Variants in C16orf96 observed in about 807,000 individuals in gnomAD.
C16orf96 encodes the protein chromosome 16 open reading frame 96.
C16orf96 carries 108 observed loss-of-function variants against 103.6 expected under a neutral mutation model. That is an observed-to-expected ratio of 1.04 (90% CI 0.89 to 1.22). C16orf96 has a LOEUF of 1.22. Ranked by LOEUF, C16orf96 falls within the 50% of genes most tolerant of loss-of-function variation. C16orf96 has a pLI of 0.00. For synonymous variants in C16orf96, 566 were observed against 593.5 expected (o/e 0.95, Z 0.67); for missense variants, 1,586 against 1,464.2 (o/e 1.08, Z -1.36).
rs774710898 is a variant in C16orf96, at chr16:4,575,833, C to G, written c.1353C>G (p.Leu451=). ...CTCGCCAGGGAGAAGCCCTCCAGCT[C>G]GCAGCTGTCCAAGTAAAGGGGGAGG... is the stretch of plus-strand genomic sequence containing the variant. ...YQSRQGEALQ[L]AAVQVKGEEN... Residue 451 remains leucine (L), a synonymous_variant, in exon 5 of 16, where the codon CTC becomes CTG. Coordinates refer to ENST00000444310, the MANE Select transcript of C16orf96 (RefSeq NM_001145011.2). The G allele has an allele frequency of 6.4e-7, 1 of 1,551,198 alleles. No homozygotes were observed. Among genetic ancestry groups the G allele is most frequent in the Middle Eastern group, 1.7e-4 (1 of 5,992 alleles).
At chr16:4,597,600 A>G (rs1272322319) in intron 14 of C16orf96, among the ~76,000 whole-genome samples, 1 of 151,956 alleles carries the variant, frequency 6.6e-6, no homozygotes, top group Non-Finnish European at 1.5e-5. Flanking sequence ...CTTGTTGCCA[A>G]GGCTGGAGTG....
upstream of C16orf96, among the ~76,000 whole-genome samples, chr16:4,555,217 C>A (rs1205014146): frequency 6.7e-6 from 1 of 150,232 alleles, no homozygotes; most frequent in African/African-American, 2.4e-5. Context: ...GAGCGGAGAT[C>A]GCGCCACTGC....
chr16:4,573,873 A>G (rs2059469185), intron 2 of C16orf96, among the ~76,000 whole-genome samples: 1 of 151,720 alleles, frequency 6.6e-6, no homozygotes, highest in African/African-American at 2.4e-5. Flanking sequence ...TCTCTCTGTC[A>G]CCCAGGCTGG....
In C16orf96 at chr16:4,588,311, A is replaced by T. The variant is rs1384185470; in HGVS notation, c.2572A>T (p.Ser858Cys). The T allele has an allele frequency of 6.4e-7, 1 of 1,551,422 alleles. No individual in the cohort carries two copies. The highest frequency in any genetic ancestry group is 8.7e-7 in the Non-Finnish European group (1 of 1,146,728). The change falls in exon 9 of 16, where the codon AGC becomes TGC. Residue 858 changes from serine (S) to cysteine (C), a missense_variant. Physicochemically the swap from Ser to Cys is moderately radical, Grantham distance 112 (BLOSUM62 -1). Coordinates refer to ENST00000444310, the MANE Select transcript of C16orf96 (RefSeq NM_001145011.2). ...DSWKKAMEEL[S>C]KDVNTKLVHS... ...CTGGAAGAAGGCTATGGAGGAGCTC[A>T]GCAAGGACGTGAACACCAAGGTGAA... is the stretch of plus-strand genomic sequence containing the variant.
In C16orf96 at chr16:4,576,148, T is replaced by C. The variant is rs2141721595; in HGVS notation, c.1668T>C (p.Ala556=). 5 of 1,551,214 alleles carry C rather than the reference T, an allele frequency of 3.2e-6. No homozygotes were observed. The highest frequency in any genetic ancestry group is 2.6e-6 in the Non-Finnish European group (3 of 1,146,968). The part of the protein sequence containing the change: ...DGAPKEAQPK[A]PQSALHRLKT... ...CCCCCAAGGAAGCACAGCCTAAGGC[T>C]CCCCAGTCTGCCCTTCACCGGCTGA... Residue 556 remains alanine (A), a synonymous_variant, in exon 5 of 16, where the codon GCT becomes GCC. Coordinates refer to ENST00000444310, the MANE Select transcript of C16orf96 (RefSeq NM_001145011.2).
At chr16:4,549,224 C>A in the C16orf96 span, among the ~76,000 whole-genome samples, 1 of 152,078 alleles carries the variant, frequency 6.6e-6, no homozygotes, top group African/African-American at 2.4e-5. Flanking sequence ...CCTGTAATCC[C>A]AGCACTTTGG....
chr16:4,554,481 G>T (rs751854679), upstream of C16orf96, among the ~76,000 whole-genome samples: 2 of 151,786 alleles, frequency 1.3e-5, no homozygotes, highest in Non-Finnish European at 2.9e-5. Flanking sequence ...CTCCCGAGTA[G>T]TTGGGATTAC....
At position 4,576,214 on chromosome 16, in the gene C16orf96, C is replaced by T. The variant is rs79448011; in HGVS notation, c.1734C>T (p.Tyr578=). The T allele has an allele frequency of 0.037, 56,903 of 1,550,678 alleles. 1,170 individuals carry two copies. The highest frequency in any genetic ancestry group is 0.053 in the Middle Eastern group (320 of 5,992). Residue 578 remains tyrosine (Y), a synonymous_variant, in exon 5 of 16, where the codon TAC becomes TAT. Coordinates refer to ENST00000444310, the MANE Select transcript of C16orf96 (RefSeq NM_001145011.2). The stretch of plus-strand genomic sequence containing the variant: ...TCGCCGCCGCTGCCGCCGCAGCCTA[C>T]GCCGCTGCCACATCCTCCGCTGCCC... The part of the protein sequence containing the change: ...AAIAAAAAAA[Y]AAATSSAAQA...
At chr16:4,572,126 G>T (rs192161154) in intron 2 of C16orf96, among the ~76,000 whole-genome samples, 31 of 149,784 alleles carry the variant, frequency 2.1e-4, no homozygotes, top group African/African-American at 7.6e-4. Context: ...GGGATTACAG[G>T]TGTAAGCCAC....
At chr16:4,566,268 A>C (rs762499143) in intron 1 of C16orf96, among the ~76,000 whole-genome samples, 25 of 152,188 alleles carry the variant, frequency 1.6e-4, no homozygotes, top group Non-Finnish European at 3.4e-4. Flanking sequence ...CTGACTTCTA[A>C]AATGGCTGCA....
intron 7 of C16orf96, among the ~76,000 whole-genome samples, chr16:4,581,478 A>T (rs1226580280): frequency 6.7e-6 from 1 of 149,880 alleles, no homozygotes; most frequent in Non-Finnish European, 1.5e-5. Context: ...CTAAAAATAC[A>T]AAAAATTAGC....
chr16:4,545,357 C>A, the C16orf96 span, among the ~76,000 whole-genome samples: 1 of 152,200 alleles, frequency 6.6e-6, no homozygotes, highest in African/African-American at 2.4e-5. Context: ...CAGGTGCATG[C>A]AACCACAACC....
In C16orf96 at chr16:4,575,489, G is replaced by A. The variant is rs1298354708; in HGVS notation, c.1009G>A (p.Gly337Arg). 29 of 1,547,854 alleles carry A rather than the reference G, an allele frequency of 1.9e-5. No homozygotes were observed. In the South Asian group the frequency reaches 2.9e-4, roughly 15 times the overall value. ...GPAPGTEPVP[G>R]LELGLELEPV... ...TGCACCTGGGACTGAACCTGTGCCA[G>A]GACTGGAGCTGGGGCTGGAGCTGGA... is the stretch of plus-strand genomic sequence containing the variant. Residue 337 changes from glycine to arginine, a missense_variant, in exon 5 of 16, where the codon GGA (glycine) becomes AGA (arginine). Transcript: ENST00000444310.
the C16orf96 span, among the ~76,000 whole-genome samples, chr16:4,542,924 A>G: frequency 2.0e-5 from 3 of 152,298 alleles, no homozygotes; most frequent in African/African-American, 7.2e-5. Flanking sequence ...GTAGCCACAT[A>G]TGGCTTGTGG....
At chr16:4,550,498 GCTAATGCATTGTTGC>G in the C16orf96 span, among the ~76,000 whole-genome samples, 2 of 152,162 alleles carry the variant, frequency 1.3e-5, no homozygotes, top group African/African-American at 2.4e-5. Context: ...CCAGCATCAA[GCTAATGCATTGTTGC>G]CTTGAAAGCC....
At position 4,580,109 on chromosome 16, in the gene C16orf96, G is replaced by A. The variant is rs953764380; in HGVS notation, c.2336G>A (p.Arg779His). The A allele has an allele frequency of 3.9e-6, 6 of 1,534,974 alleles. No homozygotes were observed. Among genetic ancestry groups the A allele is most frequent in the East Asian group, 2.5e-5 (1 of 40,124 alleles). ...AAGGCGGTGGAGAACCTGCAGATTCGCATGGATGAGTTCAAGGTTAGGAGG... is the reference window on the plus strand; with the variant it reads ...AAGGCGGTGGAGAACCTGCAGATTCACATGGATGAGTTCAAGGTTAGGAGG... ...LDKAVENLQI[R>H]MDEFKTLQAQ... Residue 779 changes from arginine (R) to histidine (H), a missense_variant, in exon 7 of 16, where the codon CGC becomes CAC. Arg to His is a conservative substitution (Grantham distance 29). Transcript: ENST00000444310.
In C16orf96 at chr16:4,594,801, C is replaced by A. The variant is rs1363428946; in HGVS notation, c.3125C>A (p.Ala1042Glu). The A allele has an allele frequency of 1.3e-6, 2 of 1,550,066 alleles. No individual in the cohort carries two copies. Reference protein sequence around the residue: ...AQPLAVAKELAAVKAPSPPSQ... With the variant: ...AQPLAVAKELEAVKAPSPPSQ... ...CCCTTGGCCGTCGCAAAGGAGCTGG[C>A]AGGTGAGGGGCGTAGGGCTCCCTGG... Residue 1042 changes from alanine (A) to glutamate (E), a missense_variant and splice_region_variant, in exon 14 of 16, where the codon GCA (alanine) becomes GAA (glutamate). By Grantham distance (107) the Ala-to-Glu change is moderately radical (BLOSUM62 -1). Transcript: ENST00000444310.
At chr16:4,596,276 G>C (rs1222156721) in intron 14 of C16orf96, among the ~76,000 whole-genome samples, 1 of 152,074 alleles carries the variant, frequency 6.6e-6, no homozygotes, top group Non-Finnish European at 1.5e-5. Context: ...CACAAGGTCA[G>C]GAGTTCAAGA....
At chr16:4,548,599 G>A in the C16orf96 span, among the ~76,000 whole-genome samples, 5 of 152,176 alleles carry the variant, frequency 3.3e-5, no homozygotes, top group East Asian at 1.9e-4. Context: ...TCAGCTGGGC[G>A]TGGTGGCTCA....
Sources: gnomAD v4.1 joint callset for allele counts (sites outside exome capture counted in the v4.1 genomes callset) on GRCh38, gnomAD v4.1.1 for gene constraint, MANE v1.5 for transcripts, NCBI Gene and HGNC (gene_info 2026-07-23, HGNC 2026-07-21) for gene names.